CNTNAP5: variants seen among roughly 807,000 people sequenced by gnomAD.
The protein encoded by CNTNAP5 is contactin-associated protein-like 5.
CNTNAP5 carries 72 observed loss-of-function variants against 150.2 expected under a neutral mutation model. That is an observed-to-expected ratio of 0.48 (90% confidence interval 0.40 to 0.58). The LOEUF (loss-of-function observed/expected upper bound fraction) is 0.58. CNTNAP5 is among the 20% of genes least tolerant of loss of function. CNTNAP5 has a pLI of 0.00. For missense variants in CNTNAP5, 1,636 were observed against 1,626.2 expected (o/e 1.01, Z -0.10); for synonymous variants, 672 against 619.8 (o/e 1.08, Z -1.25).
At chr2:124,500,838 A>C (rs1411225888) in intron 7 of CNTNAP5, among the ~76,000 whole-genome samples, 4 of 150,642 alleles carry the variant, frequency 2.7e-5, no homozygotes, top group Non-Finnish European at 5.9e-5. Flanking sequence ...CTTAGGAACA[A>C]TAGGAGACCT....
intron 3 of CNTNAP5, among the ~76,000 whole-genome samples, chr2:124,260,594 G>T (rs897864418): frequency 3.9e-5 from 6 of 152,200 alleles, no homozygotes; most frequent in Non-Finnish European, 8.8e-5. Flanking sequence ...TACAGAAGGG[G>T]AGAAAATTTT....
intron 13 of CNTNAP5, among the ~76,000 whole-genome samples, chr2:124,719,941 T>G (rs1023274478): frequency 6.6e-5 from 10 of 152,080 alleles, no homozygotes; most frequent in African/African-American, 2.2e-4. Context: ...TTATTTTGCC[T>G]AAAACAGATG....
chr2:124,721,783 G>A (rs1178749438), intron 13 of CNTNAP5, among the ~76,000 whole-genome samples: 1 of 152,110 alleles, frequency 6.6e-6, no homozygotes, highest in Non-Finnish European at 1.5e-5. Context: ...GATTTAGTTT[G>A]CTAGGGTTGC....
intron 1 of CNTNAP5, among the ~76,000 whole-genome samples, chr2:124,166,592 T>G (rs911452184): frequency 1.1e-4 from 17 of 152,308 alleles, no homozygotes; most frequent in Middle Eastern, 3.4e-3. Context: ...CACTTTTACT[T>G]ATTCTTAATG....
intron 21 of CNTNAP5, among the ~76,000 whole-genome samples, chr2:124,871,426 T>C (rs1197574970): frequency 6.6e-6 from 1 of 152,160 alleles, no homozygotes; most frequent in Non-Finnish European, 1.5e-5. Context: ...CCAGTGGCAC[T>C]GGCCTTTAAG....
At chr2:124,408,575 C>T (rs1300389347) in intron 3 of CNTNAP5, among the ~76,000 whole-genome samples, 2 of 151,858 alleles carry the variant, frequency 1.3e-5, no homozygotes, top group South Asian at 2.1e-4. Context: ...GGTCCCTGAC[C>T]CCTGACCCCC....
At chr2:124,116,555 C>G (rs1683434395) in intron 1 of CNTNAP5, among the ~76,000 whole-genome samples, 1 of 152,192 alleles carries the variant, frequency 6.6e-6, no homozygotes, top group Admixed American at 6.5e-5. Context: ...ACAGACTCCC[C>G]ACCTGTGCAT....
chr2:124,165,058 C>T (rs771137323), intron 1 of CNTNAP5, among the ~76,000 whole-genome samples: 3 of 152,278 alleles, frequency 2.0e-5, no homozygotes, highest in Non-Finnish European at 1.5e-5. Flanking sequence ...TGTCTGTGTA[C>T]ATGTGGATAA....
intron 10 of CNTNAP5, among the ~76,000 whole-genome samples, chr2:124,547,370 G>T (rs2104912880): frequency 6.6e-6 from 1 of 152,320 alleles, no homozygotes; most frequent in East Asian, 1.9e-4. Context: ...CAGTTGATGG[G>T]CAGTTAAAGA....
At chr2:124,473,121 C>T (rs1693556880) in intron 6 of CNTNAP5, among the ~76,000 whole-genome samples, 1 of 151,798 alleles carries the variant, frequency 6.6e-6, no homozygotes, top group Admixed American at 6.6e-5. Flanking sequence ...AATTCATATA[C>T]AATGGAATTT....
At chr2:124,102,840 A>C (rs1208471075) in intron 1 of CNTNAP5, among the ~76,000 whole-genome samples, 1 of 152,224 alleles carries the variant, frequency 6.6e-6, no homozygotes, top group Admixed American at 6.5e-5. Flanking sequence ...AAAGCACTTA[A>C]GACAGTGGTT....
In CNTNAP5 at chr2:124,514,385, A is replaced by AT. The variant is rs780130707; in HGVS notation, c.1327+9838dup. Among the ~76,000 whole-genome samples the AT allele has an allele frequency of 6.6e-4, 100 of 152,018 alleles. 2 individuals are homozygous for AT. Among genetic ancestry groups the AT allele is most frequent in the East Asian group, 2.5e-3 (13 of 5,176 alleles). On this transcript the variant is annotated intron_variant, in intron 8 of 23. Transcript: ENST00000682447. ...CAAAAGAGGAATTGCAGGAGATAGA[A>AT]TTTTTTTTTATCATAGATTAATCTT...
chr2:124,444,363 GGCA>G (rs1398606552), intron 5 of CNTNAP5, among the ~76,000 whole-genome samples: 2 of 152,078 alleles, frequency 1.3e-5, no homozygotes, highest in African/African-American at 4.8e-5. Context: ...GGGAAGTCGG[GGCA>G]GCAGATCACT....
chr2:124,378,844 T>A (rs1044713605), intron 3 of CNTNAP5, among the ~76,000 whole-genome samples: 7 of 152,156 alleles, frequency 4.6e-5, no homozygotes, highest in Non-Finnish European at 8.8e-5. Context: ...TCTGTTTACA[T>A]CTTGAGAAAG....
intron 14 of CNTNAP5, among the ~76,000 whole-genome samples, chr2:124,753,048 T>C (rs1382921769): frequency 6.6e-6 from 1 of 152,186 alleles, no homozygotes; most frequent in African/African-American, 2.4e-5. Flanking sequence ...CTTTTATTTA[T>C]TTTAGAAGAA....
chr2:124,376,904 T>C (rs989294117), intron 3 of CNTNAP5, among the ~76,000 whole-genome samples: 1 of 152,108 alleles, frequency 6.6e-6, no homozygotes, highest in African/African-American at 2.4e-5. Flanking sequence ...TATTGATCTA[T>C]TTTCTTCAAC....
intron 3 of CNTNAP5, among the ~76,000 whole-genome samples, chr2:124,292,182 ATCTC>A (rs1159937175): frequency 6.6e-6 from 1 of 152,018 alleles, no homozygotes; most frequent in Non-Finnish European, 1.5e-5. Flanking sequence ...ATTTAGTTTT[ATCTC>A]TCTTTTTTTT....
At chr2:124,186,682 G>C (rs1016352687) in intron 1 of CNTNAP5, among the ~76,000 whole-genome samples, 1 of 152,148 alleles carries the variant, frequency 6.6e-6, no homozygotes, top group Non-Finnish European at 1.5e-5. Context: ...TTAGAAGGAT[G>C]ATCTTTTCAA....
chr2:124,303,261 G>A (rs1351764592), intron 3 of CNTNAP5, among the ~76,000 whole-genome samples: 1 of 152,146 alleles, frequency 6.6e-6, no homozygotes, highest in Admixed American at 6.5e-5. Context: ...ACTCAAACAG[G>A]ACAGTGTCTG....
Sources: gnomAD v4.1 joint callset for allele counts (sites outside exome capture counted in the v4.1 genomes callset) on GRCh38, gnomAD v4.1.1 for gene constraint, MANE v1.5 for transcripts, NCBI Gene and HGNC (gene_info 2026-07-23, HGNC 2026-07-21) for gene names.